The following RAVER2 variants were observed in gnomAD, a reference collection of about 807,000 sequenced individuals.
RAVER2 encodes ribonucleoprotein, PTB binding 2.
Under a neutral mutation model 78.1 loss-of-function variants are expected in RAVER2, and 46 were observed. That is an observed-to-expected ratio of 0.59 (90% CI 0.46 to 0.75). RAVER2 has a LOEUF of 0.75. Ranked by LOEUF, RAVER2 falls within the 30% of genes least tolerant of loss-of-function variation. RAVER2 has a pLI of 0.00. For missense variants in RAVER2, 793 were observed against 837.5 expected (o/e 0.95, Z 0.66); for synonymous variants, 311 against 313.3 (o/e 0.99, Z 0.08).
Position 64,777,955 on chromosome 1 carries a change from T to C in RAVER2, c.649T>C (p.Trp217Arg), listed in dbSNP as rs375104082. ...GGGAGCATCAGCACTCTTTGCACAA[T>C]GGATGGATGTTAATCTATTGGCTTC... Residue 217 changes from tryptophan to arginine, a missense_variant, in exon 3 of 12, where the codon TGG becomes CGG. By Grantham distance (101) the Trp-to-Arg change is moderately radical. Transcript: ENST00000294428. 1.9e-6 allele frequency: 3 copies of C among 1,613,996 alleles called. No individual in the cohort carries two copies. In the African/African-American group the frequency reaches 4.0e-5, roughly 22 times the overall value.
intron 1 of RAVER2, among the ~76,000 whole-genome samples, chr1:64,758,005 C>T (rs981683079): frequency 2.0e-4 from 30 of 152,118 alleles, no homozygotes; most frequent in Admixed American, 9.8e-4. Flanking sequence ...CCCACAGATA[C>T]CCACTTCACC....
Position 64,777,562 on chromosome 1 carries a change from TA to T in RAVER2, c.317-60del. On this transcript the variant is annotated intron_variant, in intron 2 of 11. Coordinates refer to ENST00000294428, the Ensembl canonical transcript of RAVER2. ...TGTACCAAGTCACAGAAGTAAGATA[TA>T]TTTCTTACTGTGTTTTCAAACAATT... is the stretch of plus-strand genomic sequence containing the variant. 4 of 1,362,808 alleles carry T rather than the reference TA, an allele frequency of 2.9e-6. 1 individual carries two copies. The highest frequency in any genetic ancestry group is 4.0e-6 in the Non-Finnish European group (4 of 989,808). The allele number at this position is 1,362,808 out of a possible 1,614,324, so 84.4% of individuals were successfully genotyped here.
At chr1:64,804,343 G>GGATT (rs752770254) in intron 6 of RAVER2, among the ~76,000 whole-genome samples, 9 of 151,912 alleles carry the variant, frequency 5.9e-5, no homozygotes, top group Non-Finnish European at 1.3e-4. Flanking sequence ...CTTCCTTAGG[G>GGATT]GATTGTAAGA....
intron 2 of RAVER2, among the ~76,000 whole-genome samples, chr1:64,775,879 C>T (rs1323950173): frequency 4.6e-5 from 7 of 151,794 alleles, no homozygotes; most frequent in African/African-American, 1.7e-4. Flanking sequence ...ATTAGCCAGG[C>T]GTGGTGGCAG....
At chr1:64,793,117 G>A (rs1282918167) in intron 5 of RAVER2, among the ~76,000 whole-genome samples, 2 of 152,060 alleles carry the variant, frequency 1.3e-5, no homozygotes, top group African/African-American at 4.8e-5. Context: ...GCAGGAGAAT[G>A]ACTTGAACCC....
intron 4 of RAVER2, among the ~76,000 whole-genome samples, chr1:64,782,950 A>G (rs548393134): frequency 6.6e-6 from 1 of 152,142 alleles, no homozygotes; most frequent in South Asian, 2.1e-4. Flanking sequence ...CTCATTGTTC[A>G]GTTCCCACCT....
rs556175301 is a variant in RAVER2 at position 64,830,925 on chromosome 1, T to C, written c.2016T>C (p.His672=). The C allele has an allele frequency of 1.9e-6, 3 of 1,613,952 alleles. No individual in the cohort carries two copies. The Middle Eastern group carries it at 4.9e-4, about 266-fold the overall frequency. Residue 672 remains histidine, a synonymous_variant, in exon 12 of 12, where the codon CAT becomes CAC. Transcript: ENST00000294428. Reference sequence around the variant, plus strand: ...GTTCAGTGGAATGTGTTGACCAGCATTCTCAGGGCACAGGAGCATATTACA... The same window carrying C: ...GTTCAGTGGAATGTGTTGACCAGCACTCTCAGGGCACAGGAGCATATTACA...
chr1:64,796,737 G>T (rs890103995), intron 5 of RAVER2, among the ~76,000 whole-genome samples: 13 of 151,922 alleles, frequency 8.6e-5, no homozygotes, highest in African/African-American at 3.1e-4. Context: ...TTCTCTGGTT[G>T]TTGTCTGTTT....
chr1:64,822,161 G>A (rs905634215), intron 11 of RAVER2, among the ~76,000 whole-genome samples: 41 of 152,186 alleles, frequency 2.7e-4, no homozygotes, highest in African/African-American at 9.1e-4. Context: ...GGTGGTGGGC[G>A]CCTGTAGTCC....
At chr1:64,797,755 G>A (rs181913353) in intron 5 of RAVER2, among the ~76,000 whole-genome samples, 132 of 151,984 alleles carry the variant, frequency 8.7e-4, no homozygotes, top group African/African-American at 2.8e-3. Flanking sequence ...TAATATCACC[G>A]TATCTATCTA....
At chr1:64,802,986 A>T in exon 6 of RAVER2, 1 of 1,603,402 alleles carries the variant, frequency 6.2e-7, no homozygotes, top group East Asian at 2.2e-5. Flanking sequence ...CCGTTCTTGG[A>T]ACACCTCACA....
At chr1:64,812,665 T>C in intron 9 of RAVER2, 73 bp from the exon 10 acceptor site, 1 of 929,926 alleles carries the variant, frequency 1.1e-6, no homozygotes, top group Non-Finnish European at 1.6e-6. Flanking sequence ...GAAAAATAAG[T>C]ATTTCTCTAT....
chr1:64,799,381 T>C (rs2478155), intron 5 of RAVER2, among the ~76,000 whole-genome samples: 73,552 of 152,096 alleles, frequency 0.48, 20,447 homozygotes, highest in African/African-American at 0.77. Flanking sequence ...CAATAAACAT[T>C]AGGATGCAGA....
intron 4 of RAVER2, 44 bp from the exon 5 acceptor site, chr1:64,789,344 T>C (rs1652871300): frequency 1.3e-6 from 2 of 1,511,468 alleles, no homozygotes; most frequent in Admixed American, 2.0e-5. Context: ...TGTGTCTTTG[T>C]ACTTATGCTG....
chr1:64,784,176 G>A (rs1652714346), intron 4 of RAVER2, among the ~76,000 whole-genome samples: 1 of 152,136 alleles, frequency 6.6e-6, no homozygotes. Context: ...TTGAGCCCAG[G>A]AACTCGAGAC....
chr1:64,762,298 C>T (rs1022346839), intron 1 of RAVER2, among the ~76,000 whole-genome samples: 1 of 151,792 alleles, frequency 6.6e-6, no homozygotes, highest in Non-Finnish European at 1.5e-5. Flanking sequence ...GAACATTCCA[C>T]ATTTGTGGAT....
chr1:64,805,511 ATTAT>A (rs1653392558), intron 8 of RAVER2, among the ~76,000 whole-genome samples: 1 of 152,166 alleles, frequency 6.6e-6, no homozygotes, highest in South Asian at 2.1e-4. Context: ...ATTTATTTGT[ATTAT>A]TTAAAAAAAT....
intron 11 of RAVER2, chr1:64,816,601 A>G (rs529165967): frequency 1.3e-5 from 2 of 152,360 alleles, no homozygotes; most frequent in East Asian, 1.9e-4. Context: ...GAAAGGAACC[A>G]AAAGTGTTTG....
At chr1:64,828,710 AAATATTT>A (rs1404297209) in intron 11 of RAVER2, among the ~76,000 whole-genome samples, 2 of 152,014 alleles carry the variant, frequency 1.3e-5, no homozygotes, top group African/African-American at 4.8e-5. Flanking sequence ...AATTACTATT[AAATATTT>A]AAGTGTATAG....
Sources: gnomAD v4.1 joint callset for allele counts (sites outside exome capture counted in the v4.1 genomes callset) on GRCh38, gnomAD v4.1.1 for gene constraint, MANE v1.5 for transcripts, NCBI Gene and HGNC (gene_info 2026-07-23, HGNC 2026-07-21) for gene names.